TMEM175: variants seen among roughly 807,000 people sequenced by gnomAD.
TMEM175 encodes the protein transmembrane protein 175, also known as endosomal/lysosomal proton channel TMEM175.
In TMEM175, 36 loss-of-function variants were observed where a neutral mutation model predicts 36.5. That is an observed-to-expected ratio of 0.99 (90% CI 0.76 to 1.30). The LOEUF is 1.30. Among genes scored for constraint, TMEM175 ranks in the 50% most tolerant of loss-of-function variants. TMEM175 has a pLI of 0.00. For missense variants in TMEM175, 705 were observed against 692.8 expected, an observed-to-expected ratio of 1.02 and a Z score of -0.20; for synonymous variants, 339 against 313.4, an observed-to-expected ratio of 1.08 and a Z score of -0.86.
chr4:958,489 C>A lies in TMEM175; in HGVS notation c.1508C>A (p.Pro503His), dbSNP rs1711563551. The A allele has an allele frequency of 5.2e-6, 8 of 1,528,790 alleles. No individual in the cohort carries two copies. Among genetic ancestry groups the A allele is most frequent in the South Asian group, 3.6e-5 (3 of 82,250 alleles). The allele number at this position is 1,528,790 out of a possible 1,614,324, so 94.7% of individuals were successfully genotyped here. Reference sequence around the variant, plus strand: ...CCACAGTCCCAGCTCCTCCCTGCCCCCTGCTAGCAGCCACAGAGCCCACTC... The same window carrying A: ...CCACAGTCCCAGCTCCTCCCTGCCCACTGCTAGCAGCCACAGAGCCCACTC... ...DDPQSQLLPA[P>H]C The change falls in exon 11 of 11, where the codon CCC (proline) becomes CAC (histidine). Residue 503 changes from proline to histidine, a missense_variant. By Grantham distance (77) the Pro-to-His change is moderately conservative. Coordinates refer to ENST00000264771, the MANE Select transcript of TMEM175 (RefSeq NM_032326.4).
At position 956,097 on chromosome 4, in the gene TMEM175, CT is replaced by C. The variant is rs556111606; in HGVS notation, c.842+209del. On this transcript the variant is annotated intron_variant, in intron 10 of 10. Coordinates refer to ENST00000264771, the MANE Select transcript of TMEM175 (RefSeq NM_032326.4). ...CCCCTCCCTTCCCAGCGGCCCCTCC[CT>C]TCCCAGCGGCTCCCACCCCAAGCAC... Among the ~76,000 whole-genome samples, 327 of 152,132 alleles carry C rather than the reference CT, an allele frequency of 2.1e-3. 2 individuals are homozygous for C. Among genetic ancestry groups the C allele is most frequent in the African/African-American group, 7.5e-3 (311 of 41,478 alleles).
chr4:956,576 G>A, intron 10 of TMEM175: 4 of 809,710 alleles, frequency 4.9e-6, no homozygotes, highest in Non-Finnish European at 5.1e-6. Context: ...CCAAGTAGTT[G>A]GGATTACAAG....
intron 5 of TMEM175, 172 bp from the exon 6 acceptor site, chr4:951,510 G>A (rs916711189): frequency 1.2e-6 from 1 of 864,708 alleles, no homozygotes; most frequent in Non-Finnish European, 1.8e-6. Context: ...AGGGGACAGA[G>A]AGGATGAGTG....
chr4:945,124 G>T (rs982699745), intron 1 of TMEM175, among the ~76,000 whole-genome samples: 9 of 82,944 alleles, frequency 1.1e-4, no homozygotes, highest in African/African-American at 4.3e-4. Context: ...AAGAAAAACT[G>T]CGTGTTGCCT....
rs1420863488 is a variant in TMEM175, at chr4:950,860, GGAC to G, written c.290+344_291-343del. ...TGGATGGTGCAGTAGGCGGAGGTGT[GGAC>G]GGTGCAGTAGGTGGAGGTGTGGATG... On this transcript the variant is annotated intron_variant, in intron 4 of 10. Transcript: ENST00000264771. 4.2e-4 allele frequency among the ~76,000 whole-genome samples: 63 copies of G among 151,592 alleles called. No homozygotes were observed. In the South Asian group the frequency reaches 0.013, roughly 30 times the overall value.
rs561721035 is a variant in TMEM175 at position 941,115 on chromosome 4, C to T, written c.-31-6594C>T. On this transcript the variant is annotated intron_variant, in intron 1 of 10. Coordinates refer to ENST00000264771, the MANE Select transcript of TMEM175 (RefSeq NM_032326.4). ...ACTCTGGGCCGGGTGCAGTGGCTCA[C>T]GCCTGTAATCCCAACACTTTGGGAG... 2.0e-4 allele frequency among the ~76,000 whole-genome samples: 30 copies of T among 149,062 alleles called. No homozygotes were observed. In the South Asian group the frequency reaches 5.1e-3, roughly 25 times the overall value.
chr4:947,859 TGA>T lies in TMEM175; in HGVS notation c.121_122del (p.Asp41ArgfsTer94). On this transcript the variant is annotated frameshift_variant, in exon 2 of 11. Transcript: ENST00000264771. LOFTEE classifies it high-confidence loss of function. ...QCSQRMLSFS[D>X]ALLSIIATVM... ...GCTCCCAACGCATGCTCAGCTTCAG[TGA>T]CGCCCTGCTGTCCATCATCGCCACC... 1 of 1,613,632 alleles carries T rather than the reference TGA, an allele frequency of 6.2e-7. No individual in the cohort carries two copies. Among genetic ancestry groups the T allele is most frequent in the Admixed American group, 1.7e-5 (1 of 60,022 alleles).
intron 1 of TMEM175, among the ~76,000 whole-genome samples, chr4:941,602 C>G (rs1203355632): frequency 6.6e-6 from 1 of 151,810 alleles, no homozygotes; most frequent in Non-Finnish European, 1.5e-5. Context: ...CCACACCCAG[C>G]TAATTTTTGT....
At position 958,271 on chromosome 4, in the gene TMEM175, C is replaced by T; in HGVS notation, c.1290C>T (p.Ser430=). The change falls in exon 11 of 11, where the codon AGC becomes AGT. Residue 430 remains serine, a synonymous_variant. Transcript: ENST00000264771. ...AGCTGGCGCTGTACCCCTGTGCCAGCCTGCTGGCCTTCGCCTCCACCTGCC... is the reference window on the plus strand; with the variant it reads ...AGCTGGCGCTGTACCCCTGTGCCAGTCTGCTGGCCTTCGCCTCCACCTGCC... The part of the protein sequence containing the change: ...FAKLALYPCA[S]LLAFASTCLL... 6.2e-7 allele frequency: 1 copy of T among 1,606,462 alleles called. No homozygotes were observed.
chr4:951,073 GGTA>G lies in TMEM175; in HGVS notation c.291-128_291-126del. The stretch of plus-strand genomic sequence containing the variant: ...CGTGTTTTCCAAACTCCGTGCACTA[GGTA>G]GTAGTTTATATTTGGTTAACAGTGA... On this transcript the variant is annotated intron_variant, in intron 4 of 10. Coordinates refer to ENST00000264771, the MANE Select transcript of TMEM175 (RefSeq NM_032326.4). 5 of 889,958 alleles carry G rather than the reference GGTA, an allele frequency of 5.6e-6. No individual in the cohort carries two copies. In the South Asian group the frequency reaches 6.0e-5, roughly 11 times the overall value. 55.1% of individuals were successfully genotyped at this position (889,958 alleles called of 1,614,324 possible).
rs751184486 is a variant in TMEM175 at position 957,886 on chromosome 4, C to G, written c.905C>G (p.Ala302Gly). The G allele has an allele frequency of 9.3e-6, 15 of 1,612,798 alleles. No individual in the cohort carries two copies. Among genetic ancestry groups the G allele is most frequent in the Non-Finnish European group, 1.2e-5 (14 of 1,179,958 alleles). ...KERFSGSLVA[A>G]LSATGPRFLA... ...AGGTTCAGCGGCAGCCTCGTGGCCG[C>G]CCTGAGTGCGACCGGGCCGCGCTTC... The change falls in exon 11 of 11, where the codon GCC becomes GGC. Residue 302 changes from alanine to glycine, a missense_variant. Physicochemically the swap from Ala to Gly is moderately conservative, Grantham distance 60. Transcript: ENST00000264771.
chr4:948,291 G>T, intron 3 of TMEM175, 137 bp downstream of exon 3: 1 of 1,570,594 alleles, frequency 6.4e-7, no homozygotes, highest in Non-Finnish European at 8.6e-7. Flanking sequence ...GGAGGCGGGG[G>T]CCTCCTTGGA....
At chr4:945,301 G>A (rs1013953574) in intron 1 of TMEM175, among the ~76,000 whole-genome samples, 4 of 151,902 alleles carry the variant, frequency 2.6e-5, no homozygotes, top group Admixed American at 6.6e-5. Flanking sequence ...GGCCCCCGCC[G>A]TCTCTGTCTC....
Position 958,518 on chromosome 4 carries a change from G to A in TMEM175, c.*22G>A. On this transcript the variant is annotated 3_prime_UTR_variant, in exon 11 of 11. Transcript: ENST00000264771. Reference sequence around the variant, plus strand: ...CTAGCAGCCACAGAGCCCACTCCCAGCCGTCCTCACCAGAGATGGACCAGG... The same window carrying A: ...CTAGCAGCCACAGAGCCCACTCCCAACCGTCCTCACCAGAGATGGACCAGG... The A allele has an allele frequency of 6.8e-7, 1 of 1,478,256 alleles. No homozygotes were observed. The highest frequency in any genetic ancestry group is 1.4e-5 in the African/African-American group (1 of 72,058). 91.6% of individuals were successfully genotyped at this position (1,478,256 alleles called of 1,614,324 possible).
rs1728905976 is a variant in TMEM175, at chr4:951,668, C to G, written c.343-14C>G. 3 of 1,613,808 alleles carry G rather than the reference C, an allele frequency of 1.9e-6. No homozygotes were observed. Among genetic ancestry groups the G allele is most frequent in the South Asian group, 2.2e-5 (2 of 91,080 alleles). On this transcript the variant is annotated splice_polypyrimidine_tract_variant and intron_variant, in intron 5 of 10. Transcript: ENST00000264771. ...CAGGCCGCATCATGGCTGTGATGCC[C>G]TCCCTCCCTCCAGGCCTGCATGATG...
intron 1 of TMEM175, among the ~76,000 whole-genome samples, chr4:944,224 C>T (rs1323461623): frequency 1.3e-5 from 2 of 152,242 alleles, no homozygotes; most frequent in Admixed American, 6.5e-5. Context: ...ACCCAGGAGG[C>T]GGAGGTTGCA....
rs570462409 is a variant in TMEM175, at chr4:958,414, G to T, written c.1433G>T (p.Gly478Val). 1.3e-4 allele frequency: 208 copies of T among 1,597,686 alleles called. 1 individual carries two copies. The East Asian group carries it at 3.5e-3, about 27-fold the overall frequency. The change falls in exon 11 of 11, where the codon GGC becomes GTC. Residue 478 changes from glycine to valine, a missense_variant. Coordinates refer to ENST00000264771, the MANE Select transcript of TMEM175 (RefSeq NM_032326.4). ...CTGGCCACCCTGCGGGTCCTGCGGG[G>T]CCTCGCCCGGCCCGAACACCCCCCG... Reference protein sequence around the residue: ...LALATLRVLRGLARPEHPPPA... With the variant: ...LALATLRVLRVLARPEHPPPA...
At chr4:952,628 CTG>C (rs35529704) in intron 7 of TMEM175, among the ~76,000 whole-genome samples, 178 bp downstream of exon 7, 20,745 of 114,278 alleles carry the variant, frequency 0.18, 2,167 homozygotes, top group East Asian at 0.28. Context: ...GGGTCCTGTG[CTG>C]TGTGTGTGTG....
chr4:955,707 C>T, intron 9 of TMEM175, 48 bp from the exon 10 acceptor site: 1 of 1,597,094 alleles, frequency 6.3e-7, no homozygotes, highest in Non-Finnish European at 8.5e-7. Flanking sequence ...CGGGCTCTAC[C>T]TCCACATGGG....
Sources: allele counts gnomAD v4.1 joint callset (sites outside exome capture counted in the v4.1 genomes callset), GRCh38; gene constraint gnomAD v4.1.1; transcripts MANE v1.5; gene names NCBI Gene and HGNC (gene_info 2026-07-23, HGNC 2026-07-21).